The following PID1 variants were observed in gnomAD, a reference collection of about 807,000 sequenced individuals.
PID1 encodes PTB-containing, cubilin and LRP1-interacting protein.
In PID1, 10 loss-of-function variants were observed where a neutral mutation model predicts 19.1. That is an observed-to-expected ratio of 0.52 (90% CI 0.32 to 0.89). The LOEUF is 0.89. Ranked by LOEUF, PID1 falls within the 40% of genes least tolerant of loss-of-function variation. The pLI, the probability that PID1 is intolerant of heterozygous loss-of-function variation, is 0.03. For missense variants in PID1, 248 were observed against 285.3 expected (o/e 0.87, Z 0.94); for synonymous variants, 130 against 116.0 (o/e 1.12, Z -0.78).
intron 1 of PID1, among the ~76,000 whole-genome samples, chr2:229,210,710 G>C (rs1156715185): frequency 6.6e-6 from 1 of 152,006 alleles, no homozygotes; most frequent in Non-Finnish European, 1.5e-5. Flanking sequence ...GAGTGAATGT[G>C]ATGTGCCAAT....
chr2:229,230,361 A>G (rs1053429908), intron 1 of PID1, among the ~76,000 whole-genome samples: 1 of 152,212 alleles, frequency 6.6e-6, no homozygotes, highest in Non-Finnish European at 1.5e-5. Context: ...TGGTCAGTGA[A>G]GCCAGGACCA....
chr2:229,239,728 C>T (rs1232350710), intron 1 of PID1, among the ~76,000 whole-genome samples: 1 of 152,118 alleles, frequency 6.6e-6, no homozygotes, highest in East Asian at 1.9e-4. Context: ...TATTTCAAGA[C>T]ATTGAAATTT....
In PID1 at chr2:229,135,491, T is replaced by C. The variant is rs571199664; in HGVS notation, c.177+20327A>G. Among the ~76,000 whole-genome samples the C allele has an allele frequency of 2.1e-4, 32 of 152,308 alleles. No individual in the cohort carries two copies. The South Asian group carries it at 6.6e-3, about 32-fold the overall frequency. ...CTTACAGAAAAACAATGATACATCA[T>C]AGCTGTGAAGTGAGAGCTATGGGGT... is the stretch of plus-strand genomic sequence containing the variant. On this transcript the variant is annotated intron_variant, in intron 2 of 2. Transcript: ENST00000392055.
intron 2 of PID1, among the ~76,000 whole-genome samples, chr2:229,138,180 C>A (rs1320662735): frequency 6.6e-6 from 1 of 152,116 alleles, no homozygotes; most frequent in Admixed American, 6.6e-5. Flanking sequence ...AATCAGGGAG[C>A]AGACCCTGCC....
chr2:229,131,733 G>A (rs1408790476), intron 2 of PID1, among the ~76,000 whole-genome samples: 1 of 151,628 alleles, frequency 6.6e-6, no homozygotes, highest in Non-Finnish European at 1.5e-5. Flanking sequence ...TAAAAACCAA[G>A]ATTTCAGCTT....
chr2:229,027,005 C>T (rs1014939486), intron 2 of PID1, among the ~76,000 whole-genome samples: 2 of 152,118 alleles, frequency 1.3e-5, no homozygotes, highest in Non-Finnish European at 2.9e-5. Flanking sequence ...CTTAAGAGAT[C>T]ATCTAAGAAA....
chr2:229,047,611 T>A (rs1269368741), intron 2 of PID1, among the ~76,000 whole-genome samples: 1 of 152,230 alleles, frequency 6.6e-6, no homozygotes, highest in Non-Finnish European at 1.5e-5. Context: ...TTGAGTGCTA[T>A]TAGGCACTGT....
At chr2:229,199,866 A>G (rs1247861517) in intron 1 of PID1, among the ~76,000 whole-genome samples, 1 of 151,894 alleles carries the variant, frequency 6.6e-6, no homozygotes, top group Non-Finnish European at 1.5e-5. Flanking sequence ...CTGTATAATG[A>G]AACACATATA....
chr2:229,026,236 C>A, intron 2 of PID1, 128 bp from the exon 3 acceptor site: 1 of 677,718 alleles, frequency 1.5e-6, no homozygotes, highest in Non-Finnish European at 2.6e-6. Flanking sequence ...TTCTTTCTTG[C>A]TCCCTGAAAG....
At chr2:229,240,280 G>A (rs1207629111) in intron 1 of PID1, among the ~76,000 whole-genome samples, 1 of 151,880 alleles carries the variant, frequency 6.6e-6, no homozygotes, top group Non-Finnish European at 1.5e-5. Context: ...TGAATCCCCT[G>A]AGACATTCTG....
chr2:229,168,852 A>G (rs2106207867), intron 1 of PID1, among the ~76,000 whole-genome samples: 1 of 152,258 alleles, frequency 6.6e-6, no homozygotes, highest in South Asian at 2.1e-4. Context: ...GTTTCAAGTC[A>G]ATCTAGTCTA....
intron 1 of PID1, among the ~76,000 whole-genome samples, chr2:229,210,772 T>C (rs967837941): frequency 2.0e-5 from 3 of 152,074 alleles, no homozygotes; most frequent in African/African-American, 7.2e-5. Flanking sequence ...AAAAGCTCCA[T>C]CCTTCCAGGC....
chr2:229,204,711 G>A (rs954335652), intron 1 of PID1, among the ~76,000 whole-genome samples: 11 of 152,040 alleles, frequency 7.2e-5, no homozygotes, highest in African/African-American at 2.2e-4. Context: ...GTCCTGATGC[G>A]GGGCTCAACC....
At chr2:229,110,985 G>A (rs989720411) in intron 2 of PID1, among the ~76,000 whole-genome samples, 7 of 152,102 alleles carry the variant, frequency 4.6e-5, no homozygotes, top group African/African-American at 4.8e-5. Context: ...TCATGGGGAC[G>A]GTTTCCCCAT....
At chr2:229,241,092 A>G (rs1266326731) in intron 1 of PID1, among the ~76,000 whole-genome samples, 1 of 152,036 alleles carries the variant, frequency 6.6e-6, no homozygotes, top group Non-Finnish European at 1.5e-5. Context: ...GAGATTTTCC[A>G]TTTGTTCACT....
chr2:229,037,852 C>A (rs1048712167), intron 2 of PID1, among the ~76,000 whole-genome samples: 1 of 152,262 alleles, frequency 6.6e-6, no homozygotes, highest in Admixed American at 6.5e-5. Flanking sequence ...ATGTTCACAA[C>A]GAGAAAATTC....
intron 1 of PID1, among the ~76,000 whole-genome samples, chr2:229,234,491 A>G (rs1333833564): frequency 6.6e-6 from 1 of 152,202 alleles, no homozygotes; most frequent in Non-Finnish European, 1.5e-5. Context: ...AGAAAACAGC[A>G]TCTTCCCTAG....
At chr2:229,104,622 C>G (rs1388650851) in intron 2 of PID1, among the ~76,000 whole-genome samples, 1 of 152,142 alleles carries the variant, frequency 6.6e-6, no homozygotes, top group East Asian at 1.9e-4. Flanking sequence ...ATAATCCCAA[C>G]TTAGGCAGTG....
At chr2:229,197,699 T>C (rs1461928711) in intron 1 of PID1, among the ~76,000 whole-genome samples, 1 of 151,978 alleles carries the variant, frequency 6.6e-6, no homozygotes, top group African/African-American at 2.4e-5. Context: ...AAACCCTAAC[T>C]GAGGTCAAAG....
Sources: gnomAD v4.1 joint callset for allele counts (sites outside exome capture counted in the v4.1 genomes callset) on GRCh38, gnomAD v4.1.1 for gene constraint, MANE v1.5 for transcripts, NCBI Gene and HGNC (gene_info 2026-07-23, HGNC 2026-07-21) for gene names.